HDAC9: variants seen among roughly 807,000 people sequenced by gnomAD.
HDAC9 encodes MEF-2 interacting transcription repressor (MITR) protein.
Under a neutral mutation model 139.4 loss-of-function variants are expected in HDAC9, and 41 were observed. The observed-to-expected ratio is 0.29, with a 90% confidence interval of 0.23 to 0.38. HDAC9 has a LOEUF of 0.38. Ranked by LOEUF, HDAC9 falls within the 10% of genes least tolerant of loss-of-function variation. The probability of loss-of-function intolerance (pLI) is 1.00; values close to 1 mark genes in which losing one functional copy is unlikely to be tolerated. For synonymous variants in HDAC9, 517 were observed against 476.2 expected (o/e 1.09, Z -1.12); for missense variants, 1,147 against 1,297.0 (o/e 0.88, Z 1.78).
At chr7:18,195,360 A>C (rs1053114263) in intron 2 of HDAC9, among the ~76,000 whole-genome samples, 1 of 152,170 alleles carries the variant, frequency 6.6e-6, no homozygotes, top group Non-Finnish European at 1.5e-5. Context: ...ATTACCTATC[A>C]CCTTTAATGG....
chr7:18,143,701 G>T (rs1786078639), intron 1 of HDAC9, among the ~76,000 whole-genome samples: 1 of 151,366 alleles, frequency 6.6e-6, no homozygotes, highest in Admixed American at 6.6e-5. Flanking sequence ...CAGGAGAATT[G>T]CTTGAACTCA....
intron 1 of HDAC9, among the ~76,000 whole-genome samples, chr7:18,316,478 C>T (rs558119236): frequency 1.3e-5 from 2 of 151,962 alleles, no homozygotes; most frequent in African/African-American, 4.8e-5. Context: ...ATTTGGAGTC[C>T]TCTTTGGAAT....
At chr7:18,612,635 C>T (rs577830060) in intron 6 of HDAC9, among the ~76,000 whole-genome samples, 1 of 147,606 alleles carries the variant, frequency 6.8e-6, no homozygotes, top group East Asian at 2.0e-4. Flanking sequence ...AAAATGTTGG[C>T]TATTTCATAG....
rs565675484 is a variant in HDAC9 at position 18,721,434 on chromosome 7, C to T, written c.1732-6146C>T. Among the ~76,000 whole-genome samples the T allele has an allele frequency of 1.4e-4, 21 of 151,736 alleles. No homozygotes were observed. In the South Asian group the frequency reaches 1.9e-3, roughly 14 times the overall value. ...TGCTTTTTTTCACTCACCATATTTG[C>T]GATAGTTTATAGTAAATATAAACTA... On this transcript the variant is annotated intron_variant, in intron 12 of 25. Coordinates refer to ENST00000686413, the MANE Select transcript of HDAC9 (RefSeq NM_178425.4).
intron 2 of HDAC9, among the ~76,000 whole-genome samples, chr7:18,541,026 A>G (rs896286655): frequency 2.6e-4 from 40 of 151,620 alleles, no homozygotes; most frequent in African/African-American, 9.7e-4. Flanking sequence ...GAGTCCAGGT[A>G]TTTGACTCCA....
intron 19 of HDAC9, among the ~76,000 whole-genome samples, chr7:18,832,477 T>C (rs1222236594): frequency 1.3e-5 from 2 of 152,218 alleles, no homozygotes; most frequent in Admixed American, 6.5e-5. Context: ...GTTTGCAGTA[T>C]GCTTTTTAAC....
chr7:18,318,835 G>A (rs1799833417), intron 1 of HDAC9, among the ~76,000 whole-genome samples: 1 of 152,124 alleles, frequency 6.6e-6, no homozygotes, highest in African/African-American at 2.4e-5. Context: ...TCATAGGGTG[G>A]TGGAGGTTAA....
intron 22 of HDAC9, among the ~76,000 whole-genome samples, chr7:18,913,711 C>T (rs376200372): frequency 1.3e-5 from 2 of 151,068 alleles, no homozygotes; most frequent in South Asian, 2.1e-4. Flanking sequence ...GAAGTTAAAA[C>T]CCTAGAAGAT....
At chr7:18,939,763 C>T (rs755835476) in intron 23 of HDAC9, among the ~76,000 whole-genome samples, 6 of 152,144 alleles carry the variant, frequency 3.9e-5, no homozygotes, top group Non-Finnish European at 7.4e-5. Flanking sequence ...CCCAGTTTCC[C>T]TCCAAACCCT....
chr7:18,888,418 C>A (rs1800370591), intron 22 of HDAC9, among the ~76,000 whole-genome samples: 1 of 152,060 alleles, frequency 6.6e-6, no homozygotes, highest in African/African-American at 2.4e-5. Flanking sequence ...GAGCGAGACT[C>A]CGTCTCAAAA....
intron 1 of HDAC9, among the ~76,000 whole-genome samples, chr7:18,114,147 T>C (rs1003552789): frequency 2.6e-5 from 4 of 152,224 alleles, no homozygotes; most frequent in Admixed American, 2.6e-4. Flanking sequence ...GATTAATTTA[T>C]GGTTGCAAGA....
In HDAC9 at chr7:18,554,644, C is replaced by CT. The variant is rs1260264197; in HGVS notation, c.23-30635dup. On this transcript the variant is annotated intron_variant, in intron 2 of 25. Coordinates refer to ENST00000686413, the MANE Select transcript of HDAC9 (RefSeq NM_178425.4). Reference sequence around the variant, plus strand: ...GCCACCGCGCCCAGCCCAGATCACTCTTGAAGATCATGCTGATTCTTCTGC... The same window carrying CT: ...GCCACCGCGCCCAGCCCAGATCACTCTTTGAAGATCATGCTGATTCTTCTGC... 2.0e-5 allele frequency among the ~76,000 whole-genome samples: 3 copies of CT among 152,256 alleles called. No homozygotes were observed. The East Asian group carries it at 5.8e-4, about 29-fold the overall frequency.
At chr7:18,713,866 A>G (rs1366661591) in intron 12 of HDAC9, among the ~76,000 whole-genome samples, 1 of 151,884 alleles carries the variant, frequency 6.6e-6, no homozygotes, top group African/African-American at 2.4e-5. Flanking sequence ...TGGCTCAATA[A>G]CACCTTGTTA....
At chr7:18,406,587 G>T (rs948749905) in intron 1 of HDAC9, among the ~76,000 whole-genome samples, 3 of 152,046 alleles carry the variant, frequency 2.0e-5, no homozygotes, top group African/African-American at 7.2e-5. Context: ...TAGAGACGGG[G>T]TTTCACCGTG....
At position 18,446,718 on chromosome 7, in the gene HDAC9, T is replaced by C. The variant is rs545000940; in HGVS notation, c.-41-49544T>C. 3.3e-4 allele frequency among the ~76,000 whole-genome samples: 51 copies of C among 152,304 alleles called. No individual in the cohort carries two copies. In the South Asian group the frequency reaches 0.01, roughly 31 times the overall value. On this transcript the variant is annotated intron_variant, in intron 1 of 3. Transcript: ENST00000413509. ...TGTGTGTGCGTAGATGTAGAACATA[T>C]ATTCCAAGTGTCATTGAGAACAACA...
intron 1 of HDAC9, among the ~76,000 whole-genome samples, chr7:18,149,309 T>A (rs115080350): frequency 5.4e-4 from 82 of 150,742 alleles, no homozygotes; most frequent in African/African-American, 1.8e-3. Context: ...TAGTTAATTA[T>A]AATATTTAAC....
chr7:18,111,998 T>G (rs1227013068), intron 1 of HDAC9, among the ~76,000 whole-genome samples: 4 of 152,216 alleles, frequency 2.6e-5, no homozygotes, highest in Admixed American at 2.6e-4. Flanking sequence ...AGCTGGTTGT[T>G]AAAATAGCCA....
chr7:18,232,801 T>G (rs578246912), intron 2 of HDAC9, among the ~76,000 whole-genome samples: 1 of 152,338 alleles, frequency 6.6e-6, no homozygotes, highest in South Asian at 2.1e-4. Flanking sequence ...GCATTCTTAA[T>G]TCATGTTTAC....
intron 16 of HDAC9, among the ~76,000 whole-genome samples, chr7:18,789,221 T>G (rs1489474994): frequency 6.6e-6 from 1 of 151,898 alleles, no homozygotes; most frequent in Non-Finnish European, 1.5e-5. Flanking sequence ...TTCTTCTATA[T>G]CCATCCTAAT....
Sources: gnomAD v4.1 joint callset for allele counts (sites outside exome capture counted in the v4.1 genomes callset) on GRCh38, gnomAD v4.1.1 for gene constraint, MANE v1.5 for transcripts, NCBI Gene and HGNC (gene_info 2026-07-23, HGNC 2026-07-21) for gene names.